The following RANBP2 variants were observed in gnomAD, a reference collection of about 807,000 sequenced individuals.
RANBP2 encodes the protein RAN binding protein 2, also known as E3 SUMO-protein ligase RanBP2.
RANBP2 carries 57 observed loss-of-function variants against 303.6 expected under a neutral mutation model. That is an observed-to-expected ratio of 0.19 (90% CI 0.15 to 0.23). RANBP2 has a LOEUF of 0.23. RANBP2 is among the 10% of genes least tolerant of loss of function. The pLI, the probability that RANBP2 is intolerant of heterozygous loss-of-function variation, is 1.00. For missense variants in RANBP2, 3,138 were observed against 3,780.8 expected (o/e 0.83, Z 4.46); for synonymous variants, 1,167 against 1,301.5 (o/e 0.90, Z 2.23).
the RANBP2 span, among the ~76,000 whole-genome samples, chr2:109,285,102 C>T: frequency 6.6e-6 from 1 of 152,224 alleles, no homozygotes; most frequent in Admixed American, 6.5e-5. Flanking sequence ...CACCCCTTAG[C>T]CCAGTCTGGA....
chr2:109,415,716 C>T, the RANBP2 span, among the ~76,000 whole-genome samples: 1 of 152,158 alleles, frequency 6.6e-6, no homozygotes, highest in African/African-American at 2.4e-5. Flanking sequence ...GGGGATACTG[C>T]CCCCTTTGCC....
the RANBP2 span, chr2:109,501,593 G>A: frequency 1.3e-6 from 1 of 779,598 alleles, no homozygotes; most frequent in South Asian, 1.3e-5. Flanking sequence ...AGAAGCGTGA[G>A]GACGGCTGGT....
the RANBP2 span, among the ~76,000 whole-genome samples, chr2:109,416,630 G>A: frequency 6.6e-6 from 1 of 151,658 alleles, no homozygotes; most frequent in East Asian, 2.0e-4. Context: ...TGATCTGCCC[G>A]CCTCAGCCTC....
chr2:109,130,633 C>T, the RANBP2 span, among the ~76,000 whole-genome samples: 1 of 152,114 alleles, frequency 6.6e-6, no homozygotes, highest in Non-Finnish European at 1.5e-5. Flanking sequence ...TTCTAGTAGT[C>T]TGGAAGGAGT....
At chr2:109,694,801 ATGTGTGTGTGTGTG>A in the RANBP2 span, among the ~76,000 whole-genome samples, 5 of 146,222 alleles carry the variant, frequency 3.4e-5, no homozygotes, top group Admixed American at 6.8e-5. Flanking sequence ...ATCCATAGGG[ATGTGTGTGTGTGTG>A]TGTGTGTGTG....
At chr2:109,510,536 C>T in the RANBP2 span, among the ~76,000 whole-genome samples, 852 of 152,356 alleles carry the variant, frequency 5.6e-3, 15 homozygotes, top group African/African-American at 0.02. Flanking sequence ...TGTGCAGTGA[C>T]TACCAGACTG....
chr2:109,430,582 T>TCCTCC, the RANBP2 span, among the ~76,000 whole-genome samples: 1 of 151,836 alleles, frequency 6.6e-6, no homozygotes, highest in Non-Finnish European at 1.5e-5. Context: ...CGTTCTCCTC[T>TCCTCC]CCTCCCCTCC....
the RANBP2 span, among the ~76,000 whole-genome samples, chr2:109,444,021 A>AG: frequency 6.6e-6 from 1 of 152,226 alleles, no homozygotes; most frequent in Non-Finnish European, 1.5e-5. Context: ...GCACATTTAA[A>AG]GGGATTCAAG....
chr2:108,809,679 T>C, the RANBP2 span, among the ~76,000 whole-genome samples: 1 of 152,214 alleles, frequency 6.6e-6, no homozygotes, highest in Non-Finnish European at 1.5e-5. Context: ...ATGTTGATTT[T>C]GTGTCCTTCA....
the RANBP2 span, among the ~76,000 whole-genome samples, chr2:109,277,803 G>A: frequency 6.6e-6 from 1 of 152,142 alleles, no homozygotes; most frequent in African/African-American, 2.4e-5. Context: ...CTTATACCTG[G>A]CAGTCTTACC....
chr2:108,862,540 G>A, the RANBP2 span, among the ~76,000 whole-genome samples: 1 of 152,250 alleles, frequency 6.6e-6, no homozygotes, highest in East Asian at 1.9e-4. Context: ...TGCTAACAGA[G>A]TACATTTTAA....
the RANBP2 span, chr2:109,127,402 G>A: frequency 3.9e-5 from 6 of 152,208 alleles, no homozygotes; most frequent in Non-Finnish European, 7.3e-5. Flanking sequence ...GGATATTACA[G>A]TAGAAAAGAT....
chr2:109,297,288 G>C, the RANBP2 span, among the ~76,000 whole-genome samples: 5 of 152,134 alleles, frequency 3.3e-5, no homozygotes, highest in Admixed American at 6.5e-5. Context: ...GTACGTAACA[G>C]AGAAGACTGA....
the RANBP2 span, among the ~76,000 whole-genome samples, chr2:108,964,403 G>A: frequency 6.6e-6 from 1 of 152,080 alleles, no homozygotes; most frequent in Non-Finnish European, 1.5e-5. Context: ...GAACTGTGAC[G>A]AAAAGGGATC....
At chr2:108,896,832 T>C in the RANBP2 span, 5 of 1,447,938 alleles carry the variant, frequency 3.5e-6, no homozygotes, top group South Asian at 6.2e-5. Flanking sequence ...GGCAGTCTTT[T>C]GGCACCACTC....
At chr2:108,990,185 A>T in the RANBP2 span, among the ~76,000 whole-genome samples, 3 of 151,648 alleles carry the variant, frequency 2.0e-5, no homozygotes. Context: ...TAATCCCAGC[A>T]CTTTGGGAGG....
the RANBP2 span, among the ~76,000 whole-genome samples, chr2:109,688,435 T>C: frequency 1.3e-5 from 2 of 152,184 alleles, no homozygotes; most frequent in Admixed American, 6.5e-5. Context: ...GGCAGCCTCC[T>C]GTGAGCTGAA....
the RANBP2 span, among the ~76,000 whole-genome samples, chr2:109,192,402 T>G: frequency 6.6e-6 from 1 of 152,352 alleles, no homozygotes; most frequent in East Asian, 1.9e-4. Context: ...ATAGCATATG[T>G]TACTCATAGA....
the RANBP2 span, among the ~76,000 whole-genome samples, chr2:108,914,206 G>A: frequency 6.6e-6 from 1 of 151,222 alleles, no homozygotes; most frequent in African/African-American, 2.4e-5. Context: ...GTTGCAGTGA[G>A]CCGAGATCAC....
Sources: gnomAD v4.1 joint callset for allele counts (sites outside exome capture counted in the v4.1 genomes callset) on GRCh38, gnomAD v4.1.1 for gene constraint, MANE v1.5 for transcripts, NCBI Gene and HGNC (gene_info 2026-07-23, HGNC 2026-07-21) for gene names.